Variants in FUBP1 observed in about 807,000 individuals in gnomAD.
FUBP1 encodes the protein far upstream element binding protein 1.
A neutral mutation model predicts 94.9 loss-of-function variants in FUBP1; 16 were observed. The observed-to-expected ratio is 0.17, with a 90% CI of 0.11 to 0.26. FUBP1 has a LOEUF of 0.26. Among genes scored for constraint, FUBP1 ranks in the 10% least tolerant of loss-of-function variants. The pLI is 1.00. For missense variants in FUBP1, 583 were observed against 808.6 expected (o/e 0.72, Z 3.38); for synonymous variants, 279 against 254.9 (o/e 1.09, Z -0.90).
intron 14 of FUBP1, among the ~76,000 whole-genome samples, chr1:77,962,313 C>T (rs1051028293): frequency 6.6e-6 from 1 of 152,180 alleles, no homozygotes; most frequent in Non-Finnish European, 1.5e-5. Flanking sequence ...AAATAGTCTA[C>T]ATTTTAATAC....
intron 1 of FUBP1, among the ~76,000 whole-genome samples, chr1:77,978,091 A>G (rs1178776945): frequency 6.6e-6 from 1 of 152,240 alleles, no homozygotes. Flanking sequence ...AATGTTAAAT[A>G]TATTAGGGGA....
chr1:77,949,128 A>C, intron 19 of FUBP1, 27 bp downstream of exon 19: 1 of 1,597,980 alleles, frequency 6.3e-7, no homozygotes, highest in East Asian at 2.2e-5. Context: ...TGGAGTAGAA[A>C]TCAACAAATT....
chr1:77,970,302 G>T (rs1414685136), intron 1 of FUBP1, among the ~76,000 whole-genome samples: 2 of 137,648 alleles, frequency 1.5e-5, no homozygotes, highest in Non-Finnish European at 3.0e-5. Context: ...AGAAAATCTG[G>T]ATCCTATCTG....
chr1:77,966,652 C>T lies in FUBP1; in HGVS notation c.473+42G>A, dbSNP rs372906258. 1.3e-5 allele frequency: 12 copies of T among 940,134 alleles called. No homozygotes were observed. The East Asian group carries it at 1.9e-4, about 15-fold the overall frequency. 58.2% of individuals were successfully genotyped at this position (940,134 alleles called of 1,614,324 possible). On this transcript the variant is annotated intron_variant, in intron 7 of 19. Transcript: ENST00000370768. Reference sequence around the variant, plus strand: ...AAGAGACAAAATTCAAAGAGTTCTGCTGTTGTTACTTAAGTAGATTTTTAA... The same window carrying T: ...AAGAGACAAAATTCAAAGAGTTCTGTTGTTGTTACTTAAGTAGATTTTTAA...
chr1:77,947,018 T>A lies in FUBP1; in HGVS notation c.*1748A>T, dbSNP rs1652299720. On this transcript the variant is annotated 3_prime_UTR_variant, in exon 20 of 20. Coordinates refer to ENST00000370768, the MANE Select transcript of FUBP1 (RefSeq NM_003902.5). ...GTATATTCAAAACAACAAATGGTGCTCTCCACCAATGACAAAATATATATT... is the reference window on the plus strand; with the variant it reads ...GTATATTCAAAACAACAAATGGTGCACTCCACCAATGACAAAATATATATT... 1.4e-5 allele frequency: 3 copies of A among 208,980 alleles called. No homozygotes were observed. In the Admixed American group the frequency reaches 1.8e-4, roughly 12 times the overall value. 12.9% of individuals were successfully genotyped at this position (208,980 alleles called of 1,614,324 possible).
At position 77,960,454 on chromosome 1, in the gene FUBP1, G is replaced by A. The variant is rs1418549441; in HGVS notation, c.1386C>T (p.Pro462=). Residue 462 remains proline, a synonymous_variant, in exon 15 of 20, where the codon CCC becomes CCT. Coordinates refer to ENST00000370768, the MANE Select transcript of FUBP1 (RefSeq NM_003902.5). ...GTCCATGGGGGCCTGGGACACCATG[G>A]GGCCCATGGGGTACAGGTGGCCCTA... ...NPLGPPVPHG[P]HGVPGPHGPP... 1.3e-6 allele frequency: 2 copies of A among 1,593,090 alleles called. No individual in the cohort carries two copies. Among genetic ancestry groups the A allele is most frequent in the East Asian group, 4.5e-5 (2 of 44,714 alleles).
At chr1:77,958,062 C>T (rs1038118730) in intron 16 of FUBP1, among the ~76,000 whole-genome samples, 1 of 151,998 alleles carries the variant, frequency 6.6e-6, no homozygotes, top group Admixed American at 6.6e-5. Flanking sequence ...GAAGTGCTAG[C>T]GTCACAGGTT....
intron 13 of FUBP1, 123 bp downstream of exon 13, chr1:77,963,450 TA>T: frequency 1.8e-6 from 1 of 564,748 alleles, no homozygotes; most frequent in Non-Finnish European, 3.2e-6. Context: ...CATATTAACA[TA>T]AGAATTCTTT....
chr1:77,953,091 G>A (rs11807240), intron 18 of FUBP1, among the ~76,000 whole-genome samples: 16,076 of 151,884 alleles, frequency 0.11, 988 homozygotes, highest in Admixed American at 0.19. Flanking sequence ...AGACGAAATC[G>A]CACCATTGCT....
Position 77,978,881 on chromosome 1 carries a change from T to A in FUBP1, c.120+4A>T. The A allele has an allele frequency of 6.2e-7, 1 of 1,613,634 alleles. No homozygotes were observed. The highest frequency in any genetic ancestry group is 8.5e-7 in the Non-Finnish European group (1 of 1,179,850). ...CGGGATTCCGCCGCGCGGTCCACAC[T>A]TACCTGCCGGGCTCTCTGCAGTGCA... On this transcript the variant is annotated splice_donor_region_variant and intron_variant, in intron 1 of 19. Transcript: ENST00000370768.
At chr1:77,949,091 C>CA (rs1571212304) in intron 19 of FUBP1, 64 bp downstream of exon 19, 1 of 1,447,492 alleles carries the variant, frequency 6.9e-7, no homozygotes, top group Non-Finnish European at 9.7e-7. Context: ...CCCAAACAGA[C>CA]AAACAGTAAA....
intron 16 of FUBP1, among the ~76,000 whole-genome samples, chr1:77,958,043 C>T (rs1290719850): frequency 1.3e-5 from 2 of 152,140 alleles, no homozygotes; most frequent in African/African-American, 4.8e-5. Context: ...CCGCCCGCCT[C>T]AGCCTTCCGA....
chr1:77,970,167 T>C (rs942232400), intron 1 of FUBP1, 152 bp from the exon 2 acceptor site: 6 of 449,022 alleles, frequency 1.3e-5, no homozygotes, highest in Admixed American at 4.2e-5. Flanking sequence ...GTTCAATTTA[T>C]TGCTACCATT....
intron 1 of FUBP1, among the ~76,000 whole-genome samples, chr1:77,973,547 CTTTA>C (rs1658001536): frequency 6.6e-6 from 1 of 152,184 alleles, no homozygotes; most frequent in Non-Finnish European, 1.5e-5. Context: ...TGCCTGGCTA[CTTTA>C]TTTAATTTTA....
At chr1:77,950,834 T>C (rs941212241) in intron 18 of FUBP1, among the ~76,000 whole-genome samples, 1 of 152,142 alleles carries the variant, frequency 6.6e-6, no homozygotes, top group Admixed American at 6.5e-5. Flanking sequence ...CTATCACCAT[T>C]GTAAAACAGG....
At chr1:77,976,117 T>TA (rs1468202660) in intron 1 of FUBP1, among the ~76,000 whole-genome samples, 13 of 152,348 alleles carry the variant, frequency 8.5e-5, no homozygotes, top group African/African-American at 2.9e-4. Context: ...CATAGTATTC[T>TA]AGACAAAGAA....
At chr1:77,976,912 C>T (rs982548415) in intron 1 of FUBP1, among the ~76,000 whole-genome samples, 3 of 152,334 alleles carry the variant, frequency 2.0e-5, no homozygotes, top group African/African-American at 7.2e-5. Flanking sequence ...GACTTCACTT[C>T]TGGGTCCTTG....
chr1:77,955,564 A>G (rs188116356), intron 17 of FUBP1: 38 of 416,584 alleles, frequency 9.1e-5, no homozygotes, highest in East Asian at 8.6e-4. Flanking sequence ...TGTTGAACAT[A>G]TAAGTAAATG....
intron 13 of FUBP1, 48 bp from the exon 14 acceptor site, chr1:77,962,978 A>C (rs1655784406): frequency 7.3e-7 from 1 of 1,365,346 alleles, no homozygotes; most frequent in East Asian, 2.3e-5. Flanking sequence ...AGGGTGTACT[A>C]GGAGCTATTT....
Sources: gnomAD v4.1 joint callset for allele counts (sites outside exome capture counted in the v4.1 genomes callset) on GRCh38, gnomAD v4.1.1 for gene constraint, MANE v1.5 for transcripts, NCBI Gene and HGNC (gene_info 2026-07-23, HGNC 2026-07-21) for gene names.